Variants in DNAI7 observed in about 807,000 individuals in gnomAD.
DNAI7 encodes dynein axonemal intermediate chain 7.
Under a neutral mutation model 86.6 loss-of-function variants are expected in DNAI7, and 78 were observed. The observed-to-expected ratio is 0.90, with a 90% CI of 0.75 to 1.09. DNAI7 has a LOEUF of 1.09. Among genes scored for constraint, DNAI7 ranks in the 50% least tolerant of loss-of-function variants. DNAI7 has a pLI of 0.00. For synonymous variants in DNAI7, 274 were observed against 273.0 expected (o/e 1.00, Z -0.04); for missense variants, 753 against 810.2 (o/e 0.93, Z 0.86).
At chr12:25,179,534 A>G (rs192087034) in intron 2 of DNAI7, among the ~76,000 whole-genome samples, 35 of 152,236 alleles carry the variant, frequency 2.3e-4, no homozygotes, top group Admixed American at 2.3e-3. Context: ...TGTGCATTGT[A>G]TATTTCAAGG....
Position 25,133,363 on chromosome 12 carries a change from C to A in DNAI7, c.1003-10077G>T, listed in dbSNP as rs551270961. Reference sequence around the variant, plus strand: ...AATCCCATTAAATTATCTCTGTCTTCCTCTTTTGAGCTGCTGATTGTCTTT... The same window carrying A: ...AATCCCATTAAATTATCTCTGTCTTACTCTTTTGAGCTGCTGATTGTCTTT... On this transcript the variant is annotated intron_variant, in intron 9 of 15. Transcript: ENST00000395987. Among the ~76,000 whole-genome samples the A allele has an allele frequency of 2.0e-5, 3 of 152,298 alleles. No homozygotes were observed. In the South Asian group the frequency reaches 6.2e-4, roughly 32 times the overall value.
chr12:25,189,505 G>A (rs939266773), intron 2 of DNAI7, among the ~76,000 whole-genome samples: 1 of 152,112 alleles, frequency 6.6e-6, no homozygotes, highest in Non-Finnish European at 1.5e-5. Context: ...AGACAGGCAT[G>A]GTGGCGCGTG....
downstream of DNAI7, among the ~76,000 whole-genome samples, chr12:25,107,478 C>A (rs1197633334): frequency 6.6e-6 from 1 of 152,142 alleles, no homozygotes; most frequent in Non-Finnish European, 1.5e-5. Context: ...ACACAGACAT[C>A]CACTCTACCC....
chr12:25,144,469 T>C lies in DNAI7; in HGVS notation c.898A>G (p.Lys300Glu), dbSNP rs1372103811. ...TGTTTGGACTCTTCTTCGACCTCCT[T>C]GCTGATTGCTTTTTCTACATTCTTA... The part of the protein sequence containing the change: ...DVKNVEKAIS[K>E]EVEEESKQQE... The change falls in exon 9 of 16, where the codon AAG becomes GAG. Residue 300 changes from lysine (K) to glutamate (E), a missense_variant. Physicochemically the swap from Lys to Glu is moderately conservative, Grantham distance 56. Coordinates refer to ENST00000395987, the MANE Select transcript of DNAI7 (RefSeq NM_018272.5). The C allele has an allele frequency of 1.9e-6, 3 of 1,614,062 alleles. No individual in the cohort carries two copies. The highest frequency in any genetic ancestry group is 2.2e-5 in the East Asian group (1 of 44,892).
intron 9 of DNAI7, among the ~76,000 whole-genome samples, chr12:25,129,774 T>A (rs970667159): frequency 5.3e-5 from 8 of 152,012 alleles, no homozygotes; most frequent in Admixed American, 2.0e-4. Flanking sequence ...TTTATTTTTT[T>A]TTTTTGACAT....
intron 1 of DNAI7, among the ~76,000 whole-genome samples, chr12:25,190,912 A>G (rs1950457500): frequency 6.6e-6 from 1 of 152,230 alleles, no homozygotes; most frequent in Non-Finnish European, 1.5e-5. Context: ...TCTTAGGACA[A>G]TCAATGATCC....
chr12:25,124,719 T>C (rs1328933497), intron 9 of DNAI7, among the ~76,000 whole-genome samples: 1 of 152,152 alleles, frequency 6.6e-6, no homozygotes, highest in Non-Finnish European at 1.5e-5. Context: ...TCTCATCACC[T>C]AGGTATGAAG....
At chr12:25,174,703 CATACATATGGAATATATATATCAT>C (rs1948756730) in intron 2 of DNAI7, among the ~76,000 whole-genome samples, 1 of 115,818 alleles carries the variant, frequency 8.6e-6, no homozygotes, top group Non-Finnish European at 1.7e-5. Flanking sequence ...ATATAGATAT[CATACATATGGAATATATATATCAT>C]ATATATATGG....
intron 2 of DNAI7, among the ~76,000 whole-genome samples, chr12:25,189,005 AGGTT>A (rs71982707): frequency 0.18 from 27,500 of 152,128 alleles, 2,591 homozygotes; most frequent in Middle Eastern, 0.23. Flanking sequence ...AAAGAATATC[AGGTT>A]GGTCATGGGT....
chr12:25,110,265 T>A, intron 14 of DNAI7, 25 bp from the exon 15 acceptor site: 2 of 1,329,596 alleles, frequency 1.5e-6, no homozygotes, highest in Non-Finnish European at 2.2e-6. Context: ...ACAAATAGAA[T>A]TGATCTTTGA....
In DNAI7 at chr12:25,195,103, G is replaced by T; in HGVS notation, c.-25C>A. The T allele has an allele frequency of 1.2e-6, 2 of 1,612,476 alleles. No homozygotes were observed. The highest frequency in any genetic ancestry group is 8.5e-7 in the Non-Finnish European group (1 of 1,178,480). ...TTAAGAGTCAAGCTCCACTGCAGTA[G>T]TCCGCAGAGTCGGAGCAGAAATTGT... On this transcript the variant is annotated 5_prime_UTR_variant, in exon 1 of 16. Transcript: ENST00000395987.
intron 1 of DNAI7, chr12:25,194,795 C>A: frequency 1.5e-6 from 2 of 1,362,506 alleles, no homozygotes; most frequent in East Asian, 2.3e-5. Flanking sequence ...AGGTTGGGAC[C>A]AATTTTCAAG....
At chr12:25,174,876 T>C (rs1471069398) in intron 2 of DNAI7, among the ~76,000 whole-genome samples, 3 of 151,466 alleles carry the variant, frequency 2.0e-5, no homozygotes, top group Non-Finnish European at 4.4e-5. Context: ...AAACCAAATA[T>C]TGTATGTTCT....
Position 25,118,252 on chromosome 12 carries a change from C to T in DNAI7, c.1396+893G>A, listed in dbSNP as rs1479077015. On this transcript the variant is annotated intron_variant, in intron 12 of 15. Coordinates refer to ENST00000395987, the MANE Select transcript of DNAI7 (RefSeq NM_018272.5). The stretch of plus-strand genomic sequence containing the variant: ...CTGGCCTGATTTTAATATTTTCATT[C>T]ATTTTTGCCTGTTTGTTTTGTTTTG... 3.3e-5 allele frequency among the ~76,000 whole-genome samples: 5 copies of T among 149,742 alleles called. No individual in the cohort carries two copies. The East Asian group carries it at 1.0e-3, about 30-fold the overall frequency.
chr12:25,175,805 T>C (rs538818987), intron 2 of DNAI7, among the ~76,000 whole-genome samples: 3 of 151,652 alleles, frequency 2.0e-5, no homozygotes, highest in Non-Finnish European at 4.4e-5. Context: ...GAAGGCTGGG[T>C]GTGGTGGCTC....
chr12:25,120,251 C>T (rs1940980976), intron 11 of DNAI7, among the ~76,000 whole-genome samples: 1 of 146,698 alleles, frequency 6.8e-6, no homozygotes, highest in Non-Finnish European at 1.5e-5. Flanking sequence ...GTGAGAAGTA[C>T]CCAGCAATCT....
intron 13 of DNAI7, among the ~76,000 whole-genome samples, chr12:25,113,948 T>TGTTG (rs143738706): frequency 2.2e-5 from 3 of 137,370 alleles, no homozygotes; most frequent in Non-Finnish European, 3.0e-5. Context: ...GTTTTTTTTT[T>TGTTG]TTTTTTTTTT....
intron 2 of DNAI7, among the ~76,000 whole-genome samples, chr12:25,174,584 T>TATATATGGGATATATATATG (rs2141207454): frequency 2.1e-5 from 2 of 96,720 alleles, no homozygotes; most frequent in South Asian, 3.2e-4. Context: ...ATATATATCA[T>TATATATGGGATATATATATG]ATATATGGGA....
chr12:25,120,010 T>C (rs1940940188), intron 11 of DNAI7, among the ~76,000 whole-genome samples: 1 of 151,978 alleles, frequency 6.6e-6, no homozygotes, highest in African/African-American at 2.4e-5. Flanking sequence ...ACTCTTTGGG[T>C]TCAAGGGGAG....
Sources: allele counts gnomAD v4.1 joint callset (sites outside exome capture counted in the v4.1 genomes callset), GRCh38; gene constraint gnomAD v4.1.1; transcripts MANE v1.5; gene names NCBI Gene and HGNC (gene_info 2026-07-23, HGNC 2026-07-21).